Variants in UMAD1 observed in about 807,000 individuals in gnomAD.
The protein encoded by UMAD1 is UBAP1-MVB12-associated (UMA) domain containing 1.
UMAD1 carries 8 observed loss-of-function variants against 6.1 expected under a neutral mutation model. The ratio of observed to expected loss-of-function variants is 1.30; its 90% CI spans 0.76 to 2.35. The LOEUF is 2.35. Among genes scored for constraint, UMAD1 ranks in the 30% most tolerant of loss-of-function variants. UMAD1 has a pLI of 0.00. For synonymous variants in UMAD1, 56 were observed against 31.4 expected, an observed-to-expected ratio of 1.78 and a Z score of -2.61; for missense variants, 130 against 78.4, an observed-to-expected ratio of 1.66 and a Z score of -2.49.
At chr7:7,847,744 C>T (rs77594325) in intron 3 of UMAD1, among the ~76,000 whole-genome samples, 2,606 of 152,226 alleles carry the variant, frequency 0.017, 78 homozygotes, top group African/African-American at 0.059. Context: ...CTAAATGAAG[C>T]CTTGCTATGT....
chr7:7,646,616 A>G (rs1785102140), intron 1 of UMAD1, among the ~76,000 whole-genome samples: 1 of 151,210 alleles, frequency 6.6e-6, no homozygotes, highest in South Asian at 2.1e-4. Context: ...TTTCTTTATA[A>G]ATTACCCAGT....
intron 3 of UMAD1, among the ~76,000 whole-genome samples, chr7:7,810,084 T>G (rs1429707674): frequency 2.6e-5 from 4 of 152,046 alleles, no homozygotes; most frequent in Admixed American, 2.0e-4. Flanking sequence ...TAGCAACAGT[T>G]CTTCTAGTGG....
intron 3 of UMAD1, among the ~76,000 whole-genome samples, chr7:7,858,616 GT>G (rs1377786896): frequency 6.6e-6 from 1 of 152,194 alleles, no homozygotes; most frequent in Non-Finnish European, 1.5e-5. Context: ...AGAGAGCTGT[GT>G]GATGTTGCTT....
intron 2 of UMAD1, among the ~76,000 whole-genome samples, chr7:7,750,054 T>A (rs117883727): frequency 0.013 from 1,931 of 152,250 alleles, 15 homozygotes; most frequent in Middle Eastern, 0.058. Flanking sequence ...TGAGAAGCAG[T>A]GGTCTATAAT....
intron 3 of UMAD1, among the ~76,000 whole-genome samples, chr7:7,816,196 AAC>A (rs386709969): frequency 6.6e-6 from 1 of 152,180 alleles, no homozygotes; most frequent in Non-Finnish European, 1.5e-5. Flanking sequence ...TCACAAAAAA[AAC>A]AGTAACATTA....
intron 2 of UMAD1, among the ~76,000 whole-genome samples, chr7:7,796,661 A>G (rs905082525): frequency 2.0e-5 from 3 of 152,212 alleles, no homozygotes; most frequent in African/African-American, 7.2e-5. Flanking sequence ...TGTCCCTGAC[A>G]CTAGAATCAT....
intron 3 of UMAD1, among the ~76,000 whole-genome samples, chr7:7,859,549 A>G (rs1563265964): frequency 6.6e-6 from 1 of 152,212 alleles, no homozygotes; most frequent in African/African-American, 2.4e-5. Flanking sequence ...ACTTGGAAGC[A>G]TGGCATTTGA....
At chr7:7,752,203 A>G (rs1442217037) in intron 2 of UMAD1, among the ~76,000 whole-genome samples, 2 of 152,152 alleles carry the variant, frequency 1.3e-5, no homozygotes, top group Admixed American at 1.3e-4. Flanking sequence ...GCATGTTGTA[A>G]AAAAATAGAT....
chr7:7,851,781 G>A (rs1010083402), intron 3 of UMAD1, among the ~76,000 whole-genome samples: 3 of 152,128 alleles, frequency 2.0e-5, no homozygotes, highest in African/African-American at 7.2e-5. Context: ...CTAGATGCAA[G>A]TCCTTTATCA....
chr7:7,792,696 CT>C (rs1462710861), intron 2 of UMAD1, among the ~76,000 whole-genome samples: 1 of 152,158 alleles, frequency 6.6e-6, no homozygotes, highest in East Asian at 1.9e-4. Flanking sequence ...TCCTCTCTGT[CT>C]TAGTTTGTTT....
rs61647575 is a variant in UMAD1, at chr7:7,778,226, TTGTGTGTGTGTGTGTGTGTGTGTG to T, written c.83-23417_83-23394del. ...CATCTTGGCTTCTCCAAAACTGGTT[TTGTGTGTGTGTGTGTGTGTGTGTG>T]TGTGTGTGTGTGTGTGTGTGTGTGT... On this transcript the variant is annotated intron_variant, in intron 2 of 3. Transcript: ENST00000682710. Among the ~76,000 whole-genome samples the T allele has an allele frequency of 6.1e-3, 770 of 126,458 alleles. 7 individuals carry two copies. The highest frequency in any genetic ancestry group is 0.023 in the African/African-American group (727 of 31,820). 83.0% of individuals were successfully genotyped at this position (126,458 alleles called of 152,430 possible). A position where few individuals can be genotyped will look rare whatever the true frequency, so the allele number is the denominator to read the frequency against.
At chr7:7,680,370 G>T (rs1442756318) in intron 2 of UMAD1, among the ~76,000 whole-genome samples, 2 of 152,042 alleles carry the variant, frequency 1.3e-5, no homozygotes, top group Non-Finnish European at 1.5e-5. Flanking sequence ...TTTATTCCTG[G>T]GTTCTGTATT....
chr7:7,725,507 C>A (rs867260225), intron 2 of UMAD1, among the ~76,000 whole-genome samples: 2 of 152,190 alleles, frequency 1.3e-5, no homozygotes, highest in South Asian at 4.1e-4. Flanking sequence ...TTGCAGATAA[C>A]TACTCTCCTT....
In UMAD1 at chr7:7,664,458, A is replaced by G. The variant is rs1303146489; in HGVS notation, c.-63-8851A>G. Among the ~76,000 whole-genome samples the G allele has an allele frequency of 3.3e-5, 5 of 152,178 alleles. No individual in the cohort carries two copies. In the East Asian group the frequency reaches 9.6e-4, roughly 29 times the overall value. On this transcript the variant is annotated intron_variant, in intron 1 of 3. Coordinates refer to ENST00000682710, the MANE Select transcript of UMAD1 (RefSeq NM_001302348.2). ...GTTTTGCCACTCTGAATATGCTGAC[A>G]CTTTCCTGACGCTTACAACTCTTCA...
intron 2 of UMAD1, among the ~76,000 whole-genome samples, chr7:7,767,822 C>T (rs1782019695): frequency 6.6e-6 from 1 of 152,210 alleles, no homozygotes; most frequent in Non-Finnish European, 1.5e-5. Flanking sequence ...AGAGGCAAGG[C>T]TGAGATGAGA....
At chr7:7,755,073 A>G (rs1471680305) in intron 2 of UMAD1, among the ~76,000 whole-genome samples, 3 of 152,170 alleles carry the variant, frequency 2.0e-5, no homozygotes, top group Non-Finnish European at 4.4e-5. Context: ...CTTCAAATCT[A>G]TCTCAAAACC....
At chr7:7,718,851 TAAATTATG>T (rs1390017207) in intron 2 of UMAD1, among the ~76,000 whole-genome samples, 3 of 151,570 alleles carry the variant, frequency 2.0e-5, no homozygotes, top group Non-Finnish European at 4.4e-5. Context: ...GAAACCTCTT[TAAATTATG>T]ACTCAACAGG....
chr7:7,877,399 C>A lies in UMAD1; in HGVS notation c.275C>A (p.Thr92Asn). The change falls in exon 4 of 4, where the codon ACC becomes AAC. Residue 92 changes from threonine to asparagine, a missense_variant. Coordinates refer to ENST00000682710, the MANE Select transcript of UMAD1 (RefSeq NM_001302348.2). ...GAGCTCCTGAGCGATGTGCCGTTCA[C>A]CCTGGCCCCGCATGTGCTGGCAGTA... ...MAELLSDVPF[T>N]LAPHVLAVQG... 1.4e-6 allele frequency: 1 copy of A among 717,648 alleles called. No individual in the cohort carries two copies. Among genetic ancestry groups the A allele is most frequent in the Non-Finnish European group, 2.6e-6 (1 of 385,126 alleles). 44.5% of individuals were successfully genotyped at this position (717,648 alleles called of 1,614,324 possible).
At chr7:7,843,883 C>T (rs558858447) in intron 3 of UMAD1, among the ~76,000 whole-genome samples, 4 of 152,134 alleles carry the variant, frequency 2.6e-5, no homozygotes, top group Non-Finnish European at 5.9e-5. Flanking sequence ...ATTGCAAAAA[C>T]TAACAGGGAA....
Sources: gnomAD v4.1 joint callset for allele counts (sites outside exome capture counted in the v4.1 genomes callset) on GRCh38, gnomAD v4.1.1 for gene constraint, MANE v1.5 for transcripts, NCBI Gene and HGNC (gene_info 2026-07-23, HGNC 2026-07-21) for gene names.